The following PTPRD variants were observed in gnomAD, a reference collection of about 807,000 sequenced individuals.
The protein encoded by PTPRD is protein tyrosine phosphatase receptor type D, also known as receptor-type tyrosine-protein phosphatase delta.
A neutral mutation model predicts 214.5 loss-of-function variants in PTPRD; 34 were observed. The ratio of observed to expected loss-of-function variants is 0.16; its 90% confidence interval spans 0.12 to 0.21. The LOEUF (loss-of-function observed/expected upper bound fraction) is 0.21. PTPRD is among the 10% of genes least tolerant of loss of function. PTPRD has a pLI of 1.00. For missense variants in PTPRD, 2,545 were observed against 2,398.7 expected, an observed-to-expected ratio of 1.06 and a Z score of -1.27; for synonymous variants, 1,128 against 845.7, an observed-to-expected ratio of 1.33 and a Z score of -5.79.
intron 34 of PTPRD, among the ~76,000 whole-genome samples, chr9:8,439,381 G>C (rs1236646757): frequency 6.6e-6 from 1 of 152,194 alleles, no homozygotes; most frequent in Non-Finnish European, 1.5e-5. Flanking sequence ...CAGAACTTCT[G>C]AACAGAGAAG....
chr9:10,599,179 A>C (rs2077368485), intron 2 of PTPRD, among the ~76,000 whole-genome samples: 1 of 151,694 alleles, frequency 6.6e-6, no homozygotes, highest in Non-Finnish European at 1.5e-5. Context: ...CTAGGTGATG[A>C]TCGAGCAATG....
intron 11 of PTPRD, among the ~76,000 whole-genome samples, chr9:8,959,016 T>C (rs1397472746): frequency 6.6e-6 from 1 of 152,008 alleles, no homozygotes; most frequent in Non-Finnish European, 1.5e-5. Context: ...CTGAGACAGG[T>C]CCTCGAGGAA....
At chr9:10,296,636 G>C (rs904166521) in intron 3 of PTPRD, among the ~76,000 whole-genome samples, 2 of 152,002 alleles carry the variant, frequency 1.3e-5, no homozygotes, top group African/African-American at 4.8e-5. Context: ...TGTCTGTGCA[G>C]TGAGCTGCAA....
At chr9:9,026,718 G>T (rs1471553391) in intron 10 of PTPRD, among the ~76,000 whole-genome samples, 3 of 151,872 alleles carry the variant, frequency 2.0e-5, no homozygotes, top group Non-Finnish European at 4.4e-5. Flanking sequence ...GCATTTACAA[G>T]ATTCAGTAGC....
chr9:9,099,564 G>C (rs1310869526), intron 10 of PTPRD, among the ~76,000 whole-genome samples: 2 of 152,166 alleles, frequency 1.3e-5, no homozygotes, highest in African/African-American at 2.4e-5. Flanking sequence ...TATGTGCAAA[G>C]TAGGAGAACA....
intron 9 of PTPRD, among the ~76,000 whole-genome samples, chr9:9,268,466 T>C (rs1414973272): frequency 1.3e-5 from 2 of 151,244 alleles, no homozygotes; most frequent in African/African-American, 2.4e-5. Flanking sequence ...AATGCATTTT[T>C]TTAAATCAAG....
chr9:8,695,573 C>G (rs2097895298), intron 12 of PTPRD, among the ~76,000 whole-genome samples: 3 of 151,872 alleles, frequency 2.0e-5, no homozygotes, highest in Non-Finnish European at 4.4e-5. Flanking sequence ...AGGAGTCATT[C>G]TCATTGGTAG....
At chr9:8,805,978 G>A (rs1479731566) in intron 11 of PTPRD, among the ~76,000 whole-genome samples, 1 of 127,254 alleles carries the variant, frequency 7.9e-6, no homozygotes, top group South Asian at 2.7e-4. Flanking sequence ...CTGGGCTACA[G>A]AACGAGACTC....
intron 14 of PTPRD, among the ~76,000 whole-genome samples, chr9:8,625,880 A>T (rs941151510): frequency 6.6e-6 from 1 of 151,772 alleles, no homozygotes; most frequent in Non-Finnish European, 1.5e-5. Flanking sequence ...AAAAAAAAAA[A>T]AAAAATCTTG....
intron 7 of PTPRD, among the ~76,000 whole-genome samples, chr9:9,663,864 G>C (rs1375282043): frequency 1.3e-5 from 2 of 151,494 alleles, no homozygotes; most frequent in African/African-American, 4.8e-5. Flanking sequence ...AAAGTTGTAT[G>C]TGAAAAATTA....
chr9:9,333,872 A>C (rs1399907196), intron 9 of PTPRD, among the ~76,000 whole-genome samples: 5 of 151,990 alleles, frequency 3.3e-5, no homozygotes, highest in Non-Finnish European at 7.4e-5. Context: ...TATATTACTT[A>C]AACACTGGAA....
chr9:9,792,753 G>C (rs2098976428), intron 5 of PTPRD, among the ~76,000 whole-genome samples: 1 of 152,074 alleles, frequency 6.6e-6, no homozygotes, highest in Non-Finnish European at 1.5e-5. Flanking sequence ...TAGCAACAGA[G>C]GATTTTCTCA....
chr9:8,937,868 T>C (rs1358074232), intron 11 of PTPRD, among the ~76,000 whole-genome samples: 1 of 152,208 alleles, frequency 6.6e-6, no homozygotes, highest in Non-Finnish European at 1.5e-5. Flanking sequence ...TGATTCAAAG[T>C]ATAAACTGAA....
intron 3 of PTPRD, among the ~76,000 whole-genome samples, chr9:10,203,163 C>A (rs2099439216): frequency 6.8e-6 from 1 of 147,274 alleles, no homozygotes; most frequent in African/African-American, 2.5e-5. Flanking sequence ...TCTTCTCCCT[C>A]TCTCTCTTTT....
Position 10,509,579 on chromosome 9 carries a change from A to ATATATATATATATATATT in PTPRD, c.-600+102818_-600+102819insAATATATATATATATATA, listed in dbSNP as rs1402201904. Among the ~76,000 whole-genome samples the ATATATATATATATATATT allele has an allele frequency of 6.2e-4, 81 of 131,246 alleles. 2 individuals carry two copies. The highest frequency in any genetic ancestry group is 1.0e-3 in the Non-Finnish European group (63 of 61,018). The allele number at this position is 131,246 out of a possible 152,430, so 86.1% of individuals were successfully genotyped here. A position where few individuals can be genotyped will look rare whatever the true frequency, so the allele number is the denominator to read the frequency against. On this transcript the variant is annotated intron_variant, in intron 2 of 45. Transcript: ENST00000381196. Reference sequence around the variant, plus strand: ...ATATTATATATATATATATATATATATTTTACTCACTTACTTACTTTCTGG... The same window carrying ATATATATATATATATATT: ...ATATTATATATATATATATATATATATATATATATATATATATTTTTTACTCACTTACTTACTTTCTGG...
chr9:9,895,142 T>G (rs2153791553), intron 5 of PTPRD, among the ~76,000 whole-genome samples: 1 of 152,112 alleles, frequency 6.6e-6, no homozygotes, highest in African/African-American at 2.4e-5. Context: ...AAAATGAAAA[T>G]TGTCTTCTTT....
chr9:8,418,568 A>AT (rs138694040), intron 35 of PTPRD, among the ~76,000 whole-genome samples: 2,056 of 146,302 alleles, frequency 0.014, 18 homozygotes, highest in Middle Eastern at 0.08. Context: ...TGTAAAATAC[A>AT]TTTTTTTTTT....
chr9:8,491,267 G>C (rs901165184), intron 27 of PTPRD, among the ~76,000 whole-genome samples: 1 of 152,190 alleles, frequency 6.6e-6, no homozygotes, highest in African/African-American at 2.4e-5. Flanking sequence ...TTCTATATGT[G>C]AATAAGTTCC....
At chr9:10,354,814 A>G (rs145788088) in intron 2 of PTPRD, among the ~76,000 whole-genome samples, 316 of 152,238 alleles carry the variant, frequency 2.1e-3, no homozygotes, top group African/African-American at 7.1e-3. Flanking sequence ...TCTAATGGAG[A>G]GAAGGAAAGA....
Sources: gnomAD v4.1 joint callset for allele counts (sites outside exome capture counted in the v4.1 genomes callset) on GRCh38, gnomAD v4.1.1 for gene constraint, MANE v1.5 for transcripts, NCBI Gene and HGNC (gene_info 2026-07-23, HGNC 2026-07-21) for gene names.